Variants in ZNF500 observed in about 807,000 individuals in gnomAD.
ZNF500 encodes the protein zinc finger protein with KRAB and SCAN domains 18.
Under a neutral mutation model 30.1 loss-of-function variants are expected in ZNF500, and 31 were observed. The ratio of observed to expected loss-of-function variants is 1.03; its 90% confidence interval spans 0.77 to 1.39. The LOEUF is 1.39. Ranked by LOEUF, ZNF500 falls within the 40% of genes most tolerant of loss-of-function variation. The pLI, the probability that ZNF500 is intolerant of heterozygous loss-of-function variation, is 0.00. For missense variants in ZNF500, 817 were observed against 657.8 expected, an observed-to-expected ratio of 1.24 and a Z score of -2.65; for synonymous variants, 392 against 282.0, an observed-to-expected ratio of 1.39 and a Z score of -3.91.
chr16:4,752,774 C>T lies in ZNF500; in HGVS notation c.1045G>A (p.Gly349Ser). 6.2e-7 allele frequency: 1 copy of T among 1,614,240 alleles called. No homozygotes were observed. Among genetic ancestry groups the T allele is most frequent in the Non-Finnish European group, 8.5e-7 (1 of 1,180,026 alleles). Reference sequence around the variant, plus strand: ...ACTAGGCACTTGTAAGGCCGCTCGCCCGTGTGTGTGCGCTGGTGCTTGGTC... The same window carrying T: ...ACTAGGCACTTGTAAGGCCGCTCGCTCGTGTGTGTGCGCTGGTGCTTGGTC... ...HLTKHQRTHTGERPYKCLVCG... is the reference protein window; with the variant it reads ...HLTKHQRTHTSERPYKCLVCG... The change falls in exon 6 of 6, where the codon GGC (glycine) becomes AGC (serine). Residue 349 changes from glycine to serine, a missense_variant. Gly to Ser is a moderately conservative substitution (Grantham distance 56). Transcript: ENST00000219478.
In ZNF500 at chr16:4,752,669, G is replaced by C. The variant is rs1400717218; in HGVS notation, c.1150C>G (p.Pro384Ala). 1 of 1,613,838 alleles carries C rather than the reference G, an allele frequency of 6.2e-7. No individual in the cohort carries two copies. The highest frequency in any genetic ancestry group is 8.5e-7 in the Non-Finnish European group (1 of 1,179,916). The change falls in exon 6 of 6, where the codon CCC (proline) becomes GCC (alanine). Residue 384 changes from proline (P) to alanine (A), a missense_variant. Physicochemically the swap from Pro to Ala is conservative, Grantham distance 27 (BLOSUM62 -1). Coordinates refer to ENST00000219478, the MANE Select transcript of ZNF500 (RefSeq NM_021646.4). ...VHTGEKPYPC[P>A]ECGKRFSQSS... ...TGGCTGAAGCGCTTCCCACACTCGG[G>C]GCACGGGTAGGGCTTCTCGCCTGTG...
At chr16:4,745,014 G>A (rs747463498), downstream of ZNF500, 34 of 1,612,384 alleles carry the variant, frequency 2.1e-5, no homozygotes, top group East Asian at 8.9e-5. Flanking sequence ...GGAAGCAGGT[G>A]GGACTTGTAG....
chr16:4,755,064 C>T (rs2082122501), intron 5 of ZNF500, among the ~76,000 whole-genome samples: 2 of 152,204 alleles, frequency 1.3e-5, no homozygotes, highest in South Asian at 4.1e-4. Flanking sequence ...CTGAGGCCTC[C>T]CCAAAAGCTG....
chr16:4,753,145 G>A, intron 5 of ZNF500, 87 bp from the exon 6 acceptor site: 2 of 1,469,264 alleles, frequency 1.4e-6, no homozygotes, highest in Non-Finnish European at 1.8e-6. Flanking sequence ...GCCTCACAGG[G>A]CTCCTAAGGT....
intron 2 of ZNF500, among the ~76,000 whole-genome samples, chr16:4,764,987 C>T (rs1386415411): frequency 2.0e-5 from 3 of 151,740 alleles, no homozygotes; most frequent in African/African-American, 4.8e-5. Context: ...TTGGAAGGTG[C>T]CGGACCTCTC....
downstream of ZNF500, chr16:4,746,480 G>A: frequency 1.2e-6 from 2 of 1,613,786 alleles, no homozygotes; most frequent in Non-Finnish European, 1.7e-6. Context: ...ACCTGCGGCA[G>A]ATGGAGCTAC....
At chr16:4,744,394 AG>A (rs575643066), downstream of ZNF500, among the ~76,000 whole-genome samples, 611 of 152,278 alleles carry the variant, frequency 4.0e-3, 3 homozygotes, top group Non-Finnish European at 4.6e-3. Context: ...CATATTCAGG[AG>A]GAGTCCAGCT....
chr16:4,752,682 C>G lies in ZNF500; in HGVS notation c.1137G>C (p.Lys379Asn). The G allele has an allele frequency of 1.2e-6, 2 of 1,614,056 alleles. No homozygotes were observed. Among genetic ancestry groups the G allele is most frequent in the African/African-American group, 1.3e-5 (1 of 75,074 alleles). ...STHQRVHTGE[K>N]PYPCPECGKR... ...TCCCACACTCGGGGCACGGGTAGGG[C>G]TTCTCGCCTGTGTGCACCCTCTGGT... Residue 379 changes from lysine (K) to asparagine (N), a missense_variant, in exon 6 of 6, where the codon AAG becomes AAC. Transcript: ENST00000219478.
intron 2 of ZNF500, among the ~76,000 whole-genome samples, 200 bp downstream of exon 2, chr16:4,765,365 C>CTATTGG (rs2082252591): frequency 6.6e-6 from 1 of 152,124 alleles, no homozygotes; most frequent in Non-Finnish European, 1.5e-5. Flanking sequence ...TAATAAAGGG[C>CTATTGG]TATTGGGGTA....
At chr16:4,745,395 G>T (rs1185669739), downstream of ZNF500, among the ~76,000 whole-genome samples, 1 of 152,202 alleles carries the variant, frequency 6.6e-6, no homozygotes, top group African/African-American at 2.4e-5. Flanking sequence ...CCAGCTGCGG[G>T]ATTTTTCAAT....
chr16:4,756,629 G>A (rs1223555357), intron 5 of ZNF500: 2 of 152,188 alleles, frequency 1.3e-5, no homozygotes, highest in South Asian at 2.1e-4. Context: ...CGATTCTCCT[G>A]CCTCAGCCTC....
chr16:4,765,855 C>T lies in ZNF500; in HGVS notation c.124G>A (p.Glu42Lys). 6.2e-7 allele frequency: 1 copy of T among 1,613,798 alleles called. No homozygotes were observed. Among genetic ancestry groups the T allele is most frequent in the Non-Finnish European group, 8.5e-7 (1 of 1,180,026 alleles). Residue 42 changes from glutamate (E) to lysine (K), a missense_variant, in exon 2 of 6, where the codon GAG becomes AAG. Transcript: ENST00000219478. ...CLEEEPSVETEDPSPETFRQL... is the reference protein window; with the variant it reads ...CLEEEPSVETKDPSPETFRQL... ...CGGAAAGTCTCAGGGCTGGGGTCCT[C>T]CGTCTCCACGGAGGGCTCCTCTTCC... is the stretch of plus-strand genomic sequence containing the variant.
chr16:4,763,481 G>T (rs1368385125), intron 2 of ZNF500: 3 of 875,694 alleles, frequency 3.4e-6, no homozygotes, highest in East Asian at 2.4e-4. Context: ...TCCAGGAAAG[G>T]TGAGTTGAAT....
chr16:4,765,652 C>G lies in ZNF500; in HGVS notation c.327G>C (p.Arg109=). ...LTVLPGEIQA[R]VREQQPESGE... The stretch of plus-strand genomic sequence containing the variant: ...CGCTCTCCGGCTGCTGCTCGCGTAC[C>G]CGAGCCTGGATCTCCCCCGGCAGCA... Residue 109 remains arginine, a synonymous_variant, in exon 2 of 6, where the codon CGG becomes CGC. Coordinates refer to ENST00000219478, the MANE Select transcript of ZNF500 (RefSeq NM_021646.4). The G allele has an allele frequency of 6.2e-7, 1 of 1,613,664 alleles. No individual in the cohort carries two copies. Among genetic ancestry groups the G allele is most frequent in the East Asian group, 2.2e-5 (1 of 44,878 alleles).
chr16:4,745,964 A>AAG (rs1555483541), downstream of ZNF500, among the ~76,000 whole-genome samples: 4 of 151,814 alleles, frequency 2.6e-5, no homozygotes, highest in Non-Finnish European at 5.9e-5. Context: ...AAAAAAAAAA[A>AAG]AAAAAGAAAA....
At position 4,752,620 on chromosome 16, in the gene ZNF500, C is replaced by A. The variant is rs199710257; in HGVS notation, c.1199G>T (p.Arg400Leu). The change falls in exon 6 of 6, where the codon CGC becomes CTC. Residue 400 changes from arginine to leucine, a missense_variant. By Grantham distance (102) the Arg-to-Leu change is moderately radical. Transcript: ENST00000219478. Reference sequence around the variant, plus strand: ...GGGCCGCTCCCCGCTGTGTGTCCTGCGGTGGATGACCAGGCTGGAGCTCTG... The same window carrying A: ...GGGCCGCTCCCCGCTGTGTGTCCTGAGGTGGATGACCAGGCTGGAGCTCTG... ...FSQSSSLVIH[R>L]RTHSGERPYA... 6 of 1,607,156 alleles carry A rather than the reference C, an allele frequency of 3.7e-6. No homozygotes were observed. The highest frequency in any genetic ancestry group is 5.1e-6 in the Non-Finnish European group (6 of 1,177,046).
chr16:4,747,660 G>T, downstream of ZNF500: 1 of 1,571,664 alleles, frequency 6.4e-7, no homozygotes, highest in Non-Finnish European at 8.7e-7. Flanking sequence ...GAGTGGGCAG[G>T]GGCGGGCTGA....
At chr16:4,760,354 C>T (rs1359782299) in intron 5 of ZNF500, 138 bp downstream of exon 5, 2 of 727,482 alleles carry the variant, frequency 2.7e-6, no homozygotes, top group African/African-American at 1.8e-5. Context: ...AGGTGGGACT[C>T]TGCAGGGATA....
intron 5 of ZNF500, among the ~76,000 whole-genome samples, chr16:4,756,075 G>C (rs1404858136): frequency 1.3e-5 from 2 of 152,146 alleles, no homozygotes; most frequent in Admixed American, 6.6e-5. Context: ...TGCTTGTTGG[G>C]TACGAGGTTT....
Sources: allele counts gnomAD v4.1 joint callset (sites outside exome capture counted in the v4.1 genomes callset), GRCh38; gene constraint gnomAD v4.1.1; transcripts MANE v1.5; gene names NCBI Gene and HGNC (gene_info 2026-07-23, HGNC 2026-07-21).